The following CUL2 variants were observed in gnomAD, a reference collection of about 807,000 sequenced individuals.
CUL2 encodes cullin-2.
In CUL2, 22 loss-of-function variants were observed where a neutral mutation model predicts 110.2. The ratio of observed to expected loss-of-function variants is 0.20; its 90% CI spans 0.14 to 0.28. The LOEUF is 0.28. CUL2 is among the 10% of genes least tolerant of loss of function. The probability of loss-of-function intolerance (pLI) is 1.00; values close to 1 mark genes in which losing one functional copy is unlikely to be tolerated. For synonymous variants in CUL2, 279 were observed against 293.2 expected (o/e 0.95, Z 0.49); for missense variants, 631 against 905.5 (o/e 0.70, Z 3.89).
At chr10:35,064,653 AT>A (rs1364116105) in intron 2 of CUL2, among the ~76,000 whole-genome samples, 4 of 152,026 alleles carry the variant, frequency 2.6e-5, no homozygotes, top group East Asian at 1.9e-4. Flanking sequence ...TTACTTATAA[AT>A]TTTTTATCAG....
chr10:35,094,859 C>T (rs972361243), upstream of CUL2, among the ~76,000 whole-genome samples: 52 of 152,242 alleles, frequency 3.4e-4, no homozygotes, highest in African/African-American at 1.1e-3. Flanking sequence ...CTTTAAGTTA[C>T]CACTTTTAGC....
At chr10:35,043,143 A>G (rs2085838812) in intron 8 of CUL2, among the ~76,000 whole-genome samples, 1 of 152,140 alleles carries the variant, frequency 6.6e-6, no homozygotes, top group Non-Finnish European at 1.5e-5. Context: ...ATTCCAATGC[A>G]CATATGTATC....
intron 2 of CUL2, among the ~76,000 whole-genome samples, chr10:35,065,864 G>GA (rs982512462): frequency 2.0e-4 from 31 of 151,492 alleles, no homozygotes; most frequent in African/African-American, 6.3e-4. Flanking sequence ...TCTCAAAAAA[G>GA]AAAAAAAACA....
At chr10:35,101,991 G>C (rs531846909) in intron 1 of CUL2, among the ~76,000 whole-genome samples, 1 of 152,196 alleles carries the variant, frequency 6.6e-6, no homozygotes, top group Non-Finnish European at 1.5e-5. Flanking sequence ...TGGGATTACA[G>C]GTGTGAGCCA....
chr10:35,045,946 A>T (rs543171511), intron 6 of CUL2, among the ~76,000 whole-genome samples: 2 of 152,304 alleles, frequency 1.3e-5, no homozygotes, highest in East Asian at 3.9e-4. Context: ...ATCATTCCCT[A>T]GTAAGAGCTT....
rs2084871050 is a variant in CUL2 at position 35,010,431 on chromosome 10, C to T, written c.2118G>A (p.Gln706=). Residue 706 remains glutamine, a synonymous_variant, in exon 21 of 21, where the codon CAG becomes CAA. Transcript: ENST00000374749. ...HNALIQEVIS[Q]SRARFNPSIS... Reference sequence around the variant, plus strand: ...TACTGGGATTAAACCTAGCTCTTGACTGGCTAATCACCTGTGGAAGAGATG... The same window carrying T: ...TACTGGGATTAAACCTAGCTCTTGATTGGCTAATCACCTGTGGAAGAGATG... The T allele has an allele frequency of 6.2e-7, 1 of 1,609,054 alleles. No homozygotes were observed. Among genetic ancestry groups the T allele is most frequent in the Middle Eastern group, 1.7e-4 (1 of 6,042 alleles).
rs755309836 is a variant in CUL2, at chr10:35,054,457, C to T, written c.400G>A (p.Glu134Lys). 1 of 1,580,580 alleles carries T rather than the reference C, an allele frequency of 6.3e-7. No individual in the cohort carries two copies. Among genetic ancestry groups the T allele is most frequent in the Non-Finnish European group, 8.6e-7 (1 of 1,162,492 alleles). ...QYGYGGVDMN[E>K]PLMEIGELAL... ...ACCTCTCCTATTTCCATAAGTGGTT[C>T]ATTCATATCTACACCACCATAGCCA... Residue 134 changes from glutamate (E) to lysine (K), a missense_variant, in exon 5 of 21, where the codon GAA becomes AAA. Glu to Lys is a moderately conservative substitution (Grantham distance 56, BLOSUM62 1). Coordinates refer to ENST00000374749, the MANE Select transcript of CUL2 (RefSeq NM_003591.4).
At chr10:35,059,517 T>C (rs1055126685) in intron 4 of CUL2, among the ~76,000 whole-genome samples, 3 of 152,224 alleles carry the variant, frequency 2.0e-5, no homozygotes, top group Admixed American at 6.5e-5. Flanking sequence ...TAGACAATGC[T>C]ACTGCACACT....
chr10:35,015,464 TGAGA>T (rs2085002656), intron 18 of CUL2, among the ~76,000 whole-genome samples: 1 of 152,096 alleles, frequency 6.6e-6, no homozygotes. Flanking sequence ...AATGAATTAA[TGAGA>T]GAAATAAACT....
At chr10:35,047,655 C>T (rs1325504144) in intron 6 of CUL2, among the ~76,000 whole-genome samples, 1 of 151,444 alleles carries the variant, frequency 6.6e-6, no homozygotes, top group Non-Finnish European at 1.5e-5. Flanking sequence ...CGGTGGCTCA[C>T]TCCTGTAATC....
At chr10:35,101,868 A>C (rs12411998) in intron 1 of CUL2, among the ~76,000 whole-genome samples, 3 of 152,324 alleles carry the variant, frequency 2.0e-5, no homozygotes, top group Admixed American at 1.3e-4. Context: ...AATTAGAGGG[A>C]GTAGAACTAA....
chr10:35,061,019 CT>C (rs1411908962), intron 3 of CUL2, 51 bp from the exon 4 acceptor site: 1 of 1,531,568 alleles, frequency 6.5e-7, no homozygotes, highest in African/African-American at 1.4e-5. Context: ...ATCATTTTCA[CT>C]GTCAACAATA....
chr10:35,093,811 A>G (rs191845764), upstream of CUL2, among the ~76,000 whole-genome samples: 2 of 152,204 alleles, frequency 1.3e-5, no homozygotes, highest in South Asian at 2.1e-4. Context: ...TATTTCAACC[A>G]TAGAGAACCT....
intron 2 of CUL2, 44 bp from the exon 3 acceptor site, chr10:35,063,106 T>G: frequency 9.1e-7 from 1 of 1,097,448 alleles, no homozygotes; most frequent in Non-Finnish European, 1.4e-6. Flanking sequence ...GAGACAATTT[T>G]AAAACATAAT....
At chr10:35,125,596 CTTAACA>C (rs1814447726) in intron 1 of CUL2, among the ~76,000 whole-genome samples, 1 of 152,132 alleles carries the variant, frequency 6.6e-6, no homozygotes, top group Admixed American at 6.5e-5. Context: ...TAAATCCTCA[CTTAACA>C]TTGTCAATAG....
intron 1 of CUL2, among the ~76,000 whole-genome samples, chr10:35,126,255 C>T (rs1182087148): frequency 2.0e-5 from 3 of 152,224 alleles, no homozygotes; most frequent in Non-Finnish European, 4.4e-5. Context: ...GCCCAGCATG[C>T]GGACCATTTC....
chr10:35,052,192 C>G (rs2086128662), intron 5 of CUL2, among the ~76,000 whole-genome samples: 1 of 152,144 alleles, frequency 6.6e-6, no homozygotes, highest in Admixed American at 6.5e-5. Context: ...TAATTTTATT[C>G]TGATCCATTG....
At chr10:35,102,065 C>G (rs2087387295) in intron 1 of CUL2, among the ~76,000 whole-genome samples, 1 of 150,654 alleles carries the variant, frequency 6.6e-6, no homozygotes, top group Non-Finnish European at 1.5e-5. Flanking sequence ...TAAGGTGAAA[C>G]CCCATCTCTA....
At chr10:35,100,196 C>T (rs1461323952) in intron 2 of CUL2, among the ~76,000 whole-genome samples, 1 of 152,012 alleles carries the variant, frequency 6.6e-6, no homozygotes, top group African/African-American at 2.4e-5. Flanking sequence ...CAACATCTTG[C>T]TTCCAAAAAG....
Sources: allele counts gnomAD v4.1 joint callset (sites outside exome capture counted in the v4.1 genomes callset), GRCh38; gene constraint gnomAD v4.1.1; transcripts MANE v1.5; gene names NCBI Gene and HGNC (gene_info 2026-07-23, HGNC 2026-07-21).